Variants in EFNA5 observed in about 807,000 individuals in gnomAD.
EFNA5 encodes ephrin-A5.
In EFNA5, 5 loss-of-function variants were observed where a neutral mutation model predicts 22.9. The observed-to-expected ratio is 0.22, with a 90% CI of 0.11 to 0.46. The LOEUF is 0.46. Among genes scored for constraint, EFNA5 ranks in the 20% least tolerant of loss-of-function variants. The pLI is 0.99. For missense variants in EFNA5, 237 were observed against 293.3 expected (o/e 0.81, Z 1.40); for synonymous variants, 113 against 112.2 (o/e 1.01, Z -0.04).
chr5:107,610,281 T>C (rs1400555203), intron 1 of EFNA5, among the ~76,000 whole-genome samples: 4 of 152,228 alleles, frequency 2.6e-5, no homozygotes, highest in Admixed American at 6.5e-5. Flanking sequence ...TATTATAATA[T>C]TGAAGGTTTT....
At chr5:107,641,940 C>G (rs897742998) in intron 1 of EFNA5, among the ~76,000 whole-genome samples, 3 of 152,036 alleles carry the variant, frequency 2.0e-5, no homozygotes, top group African/African-American at 7.2e-5. Context: ...AATGGCTAGC[C>G]TAAAACTGCC....
intron 1 of EFNA5, among the ~76,000 whole-genome samples, chr5:107,515,454 A>G (rs866395509): frequency 1.4e-5 from 2 of 138,864 alleles, no homozygotes; most frequent in African/African-American, 5.4e-5. Flanking sequence ...TCTCGGCTCA[A>G]TGCAACCTCC....
intron 1 of EFNA5, among the ~76,000 whole-genome samples, chr5:107,647,634 T>G (rs1259841218): frequency 6.6e-6 from 1 of 152,114 alleles, no homozygotes; most frequent in Admixed American, 6.6e-5. Flanking sequence ...TGAAAAACAT[T>G]CAGTTCATGT....
chr5:107,638,949 A>G (rs1287718434), intron 1 of EFNA5, among the ~76,000 whole-genome samples: 1 of 152,224 alleles, frequency 6.6e-6, no homozygotes, highest in Non-Finnish European at 1.5e-5. Context: ...ATAAATACAT[A>G]GTTTTTACTT....
chr5:107,524,380 G>T (rs372778795), intron 1 of EFNA5, among the ~76,000 whole-genome samples: 1 of 152,180 alleles, frequency 6.6e-6, no homozygotes, highest in East Asian at 1.9e-4. Flanking sequence ...CACAGCACAG[G>T]TTGAGTGAGT....
At chr5:107,617,423 A>C (rs1749945629) in intron 1 of EFNA5, among the ~76,000 whole-genome samples, 1 of 152,304 alleles carries the variant, frequency 6.6e-6, no homozygotes, top group South Asian at 2.1e-4. Flanking sequence ...TTGATAGAAT[A>C]GATTTCTGCC....
At chr5:107,642,685 T>C (rs574056707) in intron 1 of EFNA5, among the ~76,000 whole-genome samples, 6 of 152,052 alleles carry the variant, frequency 3.9e-5, no homozygotes, top group Non-Finnish European at 7.4e-5. Context: ...TGGTAGAAGA[T>C]GGTATGAGGA....
chr5:107,544,400 G>A (rs1047503234), intron 1 of EFNA5, among the ~76,000 whole-genome samples: 1 of 152,126 alleles, frequency 6.6e-6, no homozygotes. Flanking sequence ...GGACCAGGCA[G>A]AACAAGGATG....
chr5:107,452,121 T>G (rs1453177792), intron 1 of EFNA5, among the ~76,000 whole-genome samples: 3 of 151,790 alleles, frequency 2.0e-5, no homozygotes, highest in African/African-American at 7.3e-5. Flanking sequence ...AACAGAAAAC[T>G]AAACAGCACA....
intron 1 of EFNA5, among the ~76,000 whole-genome samples, chr5:107,551,037 A>G (rs1408500872): frequency 6.6e-6 from 1 of 152,252 alleles, no homozygotes; most frequent in Non-Finnish European, 1.5e-5. Flanking sequence ...AACTTTATAT[A>G]GCACTTAATA....
chr5:107,603,058 A>G (rs1749637985), intron 1 of EFNA5, among the ~76,000 whole-genome samples: 1 of 152,216 alleles, frequency 6.6e-6, no homozygotes. Flanking sequence ...TGGTTCTTTG[A>G]GAAAACTCAC....
chr5:107,474,887 C>T (rs1750241444), intron 1 of EFNA5, among the ~76,000 whole-genome samples: 1 of 152,190 alleles, frequency 6.6e-6, no homozygotes, highest in African/African-American at 2.4e-5. Context: ...TGACTCATAA[C>T]TGTCTAGGTT....
At chr5:107,569,988 G>A (rs1455956684) in intron 1 of EFNA5, among the ~76,000 whole-genome samples, 1 of 152,050 alleles carries the variant, frequency 6.6e-6, no homozygotes, top group East Asian at 1.9e-4. Context: ...GGAAAAAAAA[G>A]TAGGCCAGAA....
intron 1 of EFNA5, among the ~76,000 whole-genome samples, chr5:107,435,379 T>G (rs1362597386): frequency 7.4e-6 from 1 of 135,560 alleles, no homozygotes; most frequent in Non-Finnish European, 1.5e-5. Flanking sequence ...AAACAGCACA[T>G]CAAACAGGGT....
intron 1 of EFNA5, among the ~76,000 whole-genome samples, chr5:107,456,342 T>C (rs1749699482): frequency 6.6e-6 from 1 of 152,188 alleles, no homozygotes; most frequent in Non-Finnish European, 1.5e-5. Flanking sequence ...AAAAAGTAAG[T>C]AATGATTGTT....
At chr5:107,520,789 G>A (rs1344679673) in intron 1 of EFNA5, among the ~76,000 whole-genome samples, 2 of 152,194 alleles carry the variant, frequency 1.3e-5, no homozygotes, top group African/African-American at 4.8e-5. Context: ...TGAATGGGTA[G>A]TAATCACTGT....
chr5:107,627,607 AC>A (rs1198660367), intron 1 of EFNA5, among the ~76,000 whole-genome samples: 1 of 148,082 alleles, frequency 6.8e-6, no homozygotes, highest in Non-Finnish European at 1.5e-5. Flanking sequence ...TTGCACTCCA[AC>A]CTGGGTGACA....
At chr5:107,452,051 G>C (rs1454627411) in intron 1 of EFNA5, among the ~76,000 whole-genome samples, 1 of 152,094 alleles carries the variant, frequency 6.6e-6, no homozygotes, top group Non-Finnish European at 1.5e-5. Context: ...GCCATAAAAA[G>C]GAATGAGATC....
chr5:107,646,509 A>G (rs1200583604), intron 1 of EFNA5, among the ~76,000 whole-genome samples: 3 of 152,178 alleles, frequency 2.0e-5, no homozygotes, highest in Non-Finnish European at 2.9e-5. Context: ...ATTAATGTCC[A>G]GTGAGGTGAG....
Sources: allele counts gnomAD v4.1 joint callset (sites outside exome capture counted in the v4.1 genomes callset), GRCh38; gene constraint gnomAD v4.1.1; transcripts MANE v1.5; gene names NCBI Gene and HGNC (gene_info 2026-07-23, HGNC 2026-07-21).